The following ZNF469 variants were observed in gnomAD, a reference collection of about 807,000 sequenced individuals.
ZNF469 encodes zinc finger protein 469.
Under a neutral mutation model 1.0 loss-of-function variants are expected in ZNF469, and 1 was observed. That is an observed-to-expected ratio of 1.00 (90% CI 0.35 to 4.73). The LOEUF is 4.73. Ranked by LOEUF, ZNF469 falls within the 30% of genes most tolerant of loss-of-function variation. ZNF469 has a pLI of 0.16. For missense variants in ZNF469, 6,100 were observed against 5,356.3 expected (o/e 1.14, Z -4.33); for synonymous variants, 2,703 against 2,363.4 (o/e 1.14, Z -4.17).
the ZNF469 span, among the ~76,000 whole-genome samples, chr16:88,272,587 C>G: frequency 2.7e-5 from 4 of 150,718 alleles, no homozygotes; most frequent in Non-Finnish European, 5.9e-5. Context: ...GATGAATGAA[C>G]AGGTTGGTGT....
rs1242041437 is a variant in ZNF469, at chr16:88,430,066, G to A, written c.2596G>A (p.Asp866Asn). 13 of 1,550,350 alleles carry A rather than the reference G, an allele frequency of 8.4e-6. No homozygotes were observed. Among genetic ancestry groups the A allele is most frequent in the Non-Finnish European group, 1.0e-5 (12 of 1,146,966 alleles). Residue 866 changes from aspartate (D) to asparagine (N), a missense_variant, in exon 3 of 3, where the codon GAC becomes AAC. By Grantham distance (23) the Asp-to-Asn change is conservative (BLOSUM62 1). Transcript: ENST00000565624. The stretch of plus-strand genomic sequence containing the variant: ...CCCGGAGATCGACAGCAGCTTCATC[G>A]ACGTCTTCGCGGACGAGGAGCCTTC... ...DNPEIDSSFI[D>N]VFADEEPSGP...
the ZNF469 span, among the ~76,000 whole-genome samples, chr16:88,184,209 C>T: frequency 6.6e-6 from 1 of 152,096 alleles, no homozygotes; most frequent in African/African-American, 2.4e-5. Context: ...AACTCAGCTC[C>T]GTGCCAGGGA....
the ZNF469 span, among the ~76,000 whole-genome samples, chr16:88,258,408 G>C: frequency 6.6e-6 from 1 of 151,184 alleles, no homozygotes; most frequent in Non-Finnish European, 1.5e-5. Flanking sequence ...GAGCTGAATG[G>C]CTCACCCCCC....
the ZNF469 span, among the ~76,000 whole-genome samples, chr16:88,127,328 G>A: frequency 3.6e-4 from 55 of 152,160 alleles, no homozygotes; most frequent in African/African-American, 1.3e-3. Context: ...TTCCTTAAAT[G>A]TCTAATAGAA....
At chr16:88,192,892 GTGA>G in the ZNF469 span, among the ~76,000 whole-genome samples, 2 of 144,782 alleles carry the variant, frequency 1.4e-5, no homozygotes, top group African/African-American at 2.7e-5. Flanking sequence ...GATGGTGGTG[GTGA>G]TGGTGGTGAT....
At chr16:88,205,305 T>C in the ZNF469 span, among the ~76,000 whole-genome samples, 1 of 152,112 alleles carries the variant, frequency 6.6e-6, no homozygotes, top group African/African-American at 2.4e-5. The surrounding 1 kb of genome is among the most constrained non-coding windows in gnomAD (Gnocchi z 4.2). Context: ...CCTCGAAGGG[T>C]TTTTTAGGAG....
At chr16:88,333,242 G>A in the ZNF469 span, among the ~76,000 whole-genome samples, 17 of 152,298 alleles carry the variant, frequency 1.1e-4, no homozygotes, top group African/African-American at 4.1e-4. Flanking sequence ...CTCCAAGCCG[G>A]TGGGTACGGC....
At chr16:88,395,060 G>A (rs569886379) in intron 1 of ZNF469, among the ~76,000 whole-genome samples, 37 of 152,312 alleles carry the variant, frequency 2.4e-4, no homozygotes, top group African/African-American at 8.4e-4. Flanking sequence ...CGTGCCCCCC[G>A]CCGCAAGGAG....
At chr16:88,152,954 C>G in the ZNF469 span, among the ~76,000 whole-genome samples, 1 of 152,190 alleles carries the variant, frequency 6.6e-6, no homozygotes, top group Non-Finnish European at 1.5e-5. This position sits in a 1 kb window ranked among gnomAD's most constrained non-coding sequence, Gnocchi z 4.2. Flanking sequence ...CCTCACTGGC[C>G]GTGAAGGGCT....
intron 1 of ZNF469, among the ~76,000 whole-genome samples, chr16:88,386,422 A>T (rs575398368): frequency 6.6e-6 from 1 of 151,328 alleles, no homozygotes; most frequent in Non-Finnish European, 1.5e-5. Context: ...CTTCTCCCCT[A>T]GACATCACCC....
At chr16:88,265,290 G>A in the ZNF469 span, among the ~76,000 whole-genome samples, 2 of 152,224 alleles carry the variant, frequency 1.3e-5, no homozygotes, top group Non-Finnish European at 2.9e-5. Context: ...AGAAATCAGG[G>A]GTGTGGAGGC....
In ZNF469 at chr16:88,435,267, A is replaced by G. The variant is rs1293310383; in HGVS notation, c.7797A>G (p.Glu2599=). The G allele has an allele frequency of 1.9e-6, 3 of 1,550,292 alleles. No individual in the cohort carries two copies. Among genetic ancestry groups the G allele is most frequent in the African/African-American group, 2.7e-5 (2 of 73,078 alleles). The part of the protein sequence containing the change: ...ASKPRPDQAR[E]DELHPKQAEK... ...AGCCCAGACCAGACCAGGCCAGGGA[A>G]GATGAGCTGCATCCCAAACAGGCAG... The change falls in exon 3 of 3, where the codon GAA becomes GAG. Residue 2599 remains glutamate (E), a synonymous_variant. Transcript: ENST00000565624.
the ZNF469 span, among the ~76,000 whole-genome samples, chr16:88,108,290 C>T: frequency 1.3e-5 from 2 of 151,590 alleles, no homozygotes; most frequent in South Asian, 4.1e-4. Context: ...CAGAGGACGC[C>T]TTCCAGTGAG....
chr16:88,402,027 G>C (rs1904894845), intron 1 of ZNF469, among the ~76,000 whole-genome samples: 1 of 149,974 alleles, frequency 6.7e-6, no homozygotes, highest in South Asian at 2.1e-4. Context: ...TATGTGGGTG[G>C]ATGGGTAGAT....
At chr16:88,302,701 C>T in the ZNF469 span, among the ~76,000 whole-genome samples, 4 of 152,208 alleles carry the variant, frequency 2.6e-5, no homozygotes, top group African/African-American at 9.7e-5. Flanking sequence ...GCCGGAGGCT[C>T]ACTTTCTGCT....
the ZNF469 span, among the ~76,000 whole-genome samples, chr16:88,244,036 G>A: frequency 6.9e-5 from 10 of 144,432 alleles, no homozygotes; most frequent in Non-Finnish European, 7.6e-5. Context: ...ACGGATCATC[G>A]GTGGATGGGT....
At chr16:88,316,139 C>A in the ZNF469 span, among the ~76,000 whole-genome samples, 1 of 152,252 alleles carries the variant, frequency 6.6e-6, no homozygotes, top group Non-Finnish European at 1.5e-5. Context: ...AAGGCAGGAG[C>A]AGCTTCCCCC....
the ZNF469 span, among the ~76,000 whole-genome samples, chr16:88,193,952 C>T: frequency 6.8e-4 from 103 of 152,284 alleles, no homozygotes; most frequent in African/African-American, 1.6e-3. Flanking sequence ...CGTCACCTCT[C>T]GAAGGCCCCA....
Position 88,429,206 on chromosome 16 carries a change from C to T in ZNF469, c.1736C>T (p.Pro579Leu). Residue 579 changes from proline to leucine, a missense_variant, in exon 3 of 3, where the codon CCC becomes CTC. By Grantham distance (98) the Pro-to-Leu change is moderately conservative. Coordinates refer to ENST00000565624, the MANE Select transcript of ZNF469 (RefSeq NM_001367624.2). ...TCACCCCACGGGACACCCAGCCTGC[C>T]CCCACCGAGGGTAGTGGGAGCCTCC... is the stretch of plus-strand genomic sequence containing the variant. ...QVSPHGTPSL[P>L]PPRVVGASPS... 1 of 1,549,890 alleles carries T rather than the reference C, an allele frequency of 6.5e-7. No homozygotes were observed. The highest frequency in any genetic ancestry group is 8.7e-7 in the Non-Finnish European group (1 of 1,146,828).
Sources: gnomAD v4.1 joint callset for allele counts (sites outside exome capture counted in the v4.1 genomes callset) on GRCh38, gnomAD v4.1.1 for gene constraint, Gnocchi (gnomAD v3.1) non-coding constraint, MANE v1.5 for transcripts, NCBI Gene and HGNC (gene_info 2026-07-23, HGNC 2026-07-21) for gene names.